The following EMCN variants were observed in gnomAD, a reference collection of about 807,000 sequenced individuals.
The protein encoded by EMCN is endomucin, also known as MUC-14.
In EMCN, 37 loss-of-function variants were observed where a neutral mutation model predicts 38.4. That is an observed-to-expected ratio of 0.96 (90% CI 0.74 to 1.27). The LOEUF is 1.27. Ranked by LOEUF, EMCN falls within the 50% of genes most tolerant of loss-of-function variation. The pLI is 0.00. For synonymous variants in EMCN, 95 were observed against 100.8 expected (o/e 0.94, Z 0.35); for missense variants, 318 against 302.8 (o/e 1.05, Z -0.37).
chr4:100,444,177 G>A (rs1727600025), intron 5 of EMCN, among the ~76,000 whole-genome samples: 1 of 152,206 alleles, frequency 6.6e-6, no homozygotes, highest in African/African-American at 2.4e-5. Context: ...CAGGCATGTG[G>A]CTGTTCAGCC....
intron 1 of EMCN, among the ~76,000 whole-genome samples, chr4:100,505,048 T>C (rs1729445464): frequency 6.6e-6 from 1 of 152,232 alleles, no homozygotes; most frequent in South Asian, 2.1e-4. Flanking sequence ...TCTCTCTCTC[T>C]TTCTCTGCTT....
chr4:100,464,162 C>A (rs558700752), intron 4 of EMCN, among the ~76,000 whole-genome samples: 70 of 151,814 alleles, frequency 4.6e-4, no homozygotes, highest in African/African-American at 1.7e-3. Context: ...CTTTTTGATG[C>A]TATTGAAGAT....
chr4:100,447,290 C>T (rs1021591265), intron 5 of EMCN, among the ~76,000 whole-genome samples: 8 of 152,160 alleles, frequency 5.3e-5, no homozygotes, highest in African/African-American at 1.7e-4. Context: ...ATTTCACAGG[C>T]TTTTATACAT....
intron 1 of EMCN, among the ~76,000 whole-genome samples, chr4:100,492,426 C>T (rs150147750): frequency 0.018 from 2,760 of 151,896 alleles, 75 homozygotes; most frequent in African/African-American, 0.063. Flanking sequence ...ACCAAACATA[C>T]ACATAATGGG....
At chr4:100,510,078 C>T (rs1031546023) in intron 1 of EMCN, among the ~76,000 whole-genome samples, 8 of 152,140 alleles carry the variant, frequency 5.3e-5, no homozygotes, top group African/African-American at 1.9e-4. Context: ...AGAAGCTAGA[C>T]TCAAACTTAA....
At chr4:100,472,169 G>GCAGATAA (rs1210077295) in intron 3 of EMCN, among the ~76,000 whole-genome samples, 2 of 151,860 alleles carry the variant, frequency 1.3e-5, no homozygotes, top group African/African-American at 4.8e-5. Context: ...ATCTATATTT[G>GCAGATAA]CAGATAACAT....
At chr4:100,474,374 T>C (rs945465322) in intron 3 of EMCN, among the ~76,000 whole-genome samples, 1 of 152,164 alleles carries the variant, frequency 6.6e-6, no homozygotes, top group Non-Finnish European at 1.5e-5. Context: ...AGCTAGAATA[T>C]AGAGATATTG....
rs75255166 is a variant in EMCN at position 100,499,782 on chromosome 4, C to T, written c.64+18069G>A. The stretch of plus-strand genomic sequence containing the variant: ...AACAGATAAATCAATTAGTGTATAA[C>T]TAATTAAAGATGGTGAATACCTTTA... On this transcript the variant is annotated intron_variant, in intron 1 of 11. Coordinates refer to ENST00000296420, the MANE Select transcript of EMCN (RefSeq NM_016242.4). Among the ~76,000 whole-genome samples the T allele has an allele frequency of 2.9e-3, 446 of 152,266 alleles. 5 individuals carry two copies. The highest frequency in any genetic ancestry group is 0.01 in the African/African-American group (428 of 41,558).
intron 2 of EMCN, among the ~76,000 whole-genome samples, chr4:100,478,180 G>A (rs1401502614): frequency 3.3e-5 from 5 of 152,148 alleles, no homozygotes; most frequent in Admixed American, 6.5e-5. Flanking sequence ...CTACCACTGT[G>A]CCAGAATTTC....
In EMCN at chr4:100,463,341, C is replaced by T. The variant is rs148453929; in HGVS notation, c.376+2082G>A. Among the ~76,000 whole-genome samples, 232 of 152,206 alleles carry T rather than the reference C, an allele frequency of 1.5e-3. 1 individual carries two copies. Among genetic ancestry groups the T allele is most frequent in the African/African-American group, 5.2e-3 (218 of 41,546 alleles). On this transcript the variant is annotated intron_variant, in intron 4 of 11. Coordinates refer to ENST00000296420, the MANE Select transcript of EMCN (RefSeq NM_016242.4). ...TATGCACATGAATTGCCATGACTAC[C>T]GCAGACTCCCACTACTAAACTTCGC...
At chr4:100,465,657 G>T in intron 3 of EMCN, 118 bp from the exon 4 acceptor site, 1 of 508,486 alleles carries the variant, frequency 2.0e-6, no homozygotes, top group Non-Finnish European at 3.4e-6. Context: ...TTCTGACTAA[G>T]CCTTAGAAAT....
At chr4:100,514,781 T>A (rs1729711665) in intron 1 of EMCN, among the ~76,000 whole-genome samples, 1 of 152,140 alleles carries the variant, frequency 6.6e-6, no homozygotes, top group Non-Finnish European at 1.5e-5. Flanking sequence ...TCAAAGCTTA[T>A]AATAATTTCC....
chr4:100,499,626 T>G (rs1468834910), intron 1 of EMCN, among the ~76,000 whole-genome samples: 1 of 152,220 alleles, frequency 6.6e-6, no homozygotes, highest in African/African-American at 2.4e-5. Context: ...AGCTTCAGTT[T>G]GGGCTTCAGA....
chr4:100,422,951 C>G, intron 7 of EMCN, 70 bp downstream of exon 7: 1 of 1,472,418 alleles, frequency 6.8e-7, no homozygotes, highest in Middle Eastern at 1.7e-4. Context: ...TCTGATTCCT[C>G]TCCTTTACTG....
At chr4:100,416,006 T>A in intron 9 of EMCN, 47 bp from the exon 10 acceptor site, 1 of 1,229,322 alleles carries the variant, frequency 8.1e-7, no homozygotes, top group Non-Finnish European at 1.2e-6. Context: ...TAATCAGCAT[T>A]GTATGTTTGT....
intron 3 of EMCN, among the ~76,000 whole-genome samples, chr4:100,471,369 ATCAC>A (rs914391766): frequency 1.2e-4 from 19 of 152,012 alleles, no homozygotes; most frequent in Middle Eastern, 6.8e-3. Context: ...TTCCTAGGAA[ATCAC>A]TAACTACAAA....
At chr4:100,424,039 T>G (rs185959962) in intron 5 of EMCN, among the ~76,000 whole-genome samples, 4 of 152,200 alleles carry the variant, frequency 2.6e-5, no homozygotes, top group East Asian at 1.9e-4. Flanking sequence ...AATTAAAAAT[T>G]TATTGTTATC....
At chr4:100,410,429 T>C in intron 10 of EMCN, 74 bp from the exon 11 acceptor site, 2 of 1,424,682 alleles carry the variant, frequency 1.4e-6, no homozygotes, top group South Asian at 1.2e-5. Context: ...TTCCTAGCTT[T>C]TTTCTATTTT....
chr4:100,454,256 G>C, intron 4 of EMCN, among the ~76,000 whole-genome samples: 1 of 142,964 alleles, frequency 7.0e-6, no homozygotes, highest in Non-Finnish European at 1.5e-5. Context: ...AAAAAAAATA[G>C]CTCAGGAAGA....
Sources: gnomAD v4.1 joint callset for allele counts (sites outside exome capture counted in the v4.1 genomes callset) on GRCh38, gnomAD v4.1.1 for gene constraint, MANE v1.5 for transcripts, NCBI Gene and HGNC (gene_info 2026-07-23, HGNC 2026-07-21) for gene names.